ADAMTS3: variants seen among roughly 807,000 people sequenced by gnomAD.
ADAMTS3 encodes the protein A disintegrin and metalloproteinase with thrombospondin motifs 3.
ADAMTS3 carries 73 observed loss-of-function variants against 129.0 expected under a neutral mutation model. The ratio of observed to expected loss-of-function variants is 0.57; its 90% confidence interval spans 0.47 to 0.69. ADAMTS3 has a LOEUF of 0.69. Among genes scored for constraint, ADAMTS3 ranks in the 30% least tolerant of loss-of-function variants. The pLI, the probability that ADAMTS3 is intolerant of heterozygous loss-of-function variation, is 0.00. For missense variants in ADAMTS3, 1,457 were observed against 1,514.5 expected, an observed-to-expected ratio of 0.96 and a Z score of 0.63; for synonymous variants, 477 against 510.8, an observed-to-expected ratio of 0.93 and a Z score of 0.89.
intron 4 of ADAMTS3, among the ~76,000 whole-genome samples, chr4:72,373,742 T>C (rs1721070056): frequency 6.6e-6 from 1 of 151,546 alleles, no homozygotes; most frequent in Admixed American, 6.6e-5. Flanking sequence ...CTACAAAAAA[T>C]ACAAAAAATT....
At chr4:72,419,465 G>A (rs575834717) in intron 3 of ADAMTS3, among the ~76,000 whole-genome samples, 1 of 152,274 alleles carries the variant, frequency 6.6e-6, no homozygotes, top group Non-Finnish European at 1.5e-5. Flanking sequence ...TAGAATAGAA[G>A]GAATTAGAGG....
intron 4 of ADAMTS3, among the ~76,000 whole-genome samples, chr4:72,387,755 A>G (rs752920730): frequency 6.6e-5 from 10 of 152,220 alleles, no homozygotes; most frequent in Non-Finnish European, 1.3e-4. Context: ...CTAAGGCAAC[A>G]TAAGTGGTGC....
chr4:72,293,044 A>C (rs1461721719), intron 19 of ADAMTS3, among the ~76,000 whole-genome samples: 2 of 152,198 alleles, frequency 1.3e-5, no homozygotes, highest in African/African-American at 4.8e-5. Context: ...AAAGACAAAG[A>C]AATTTGAGAG....
Position 72,313,766 on chromosome 4 carries a change from G to A in ADAMTS3, c.1656C>T (p.Gly552=), listed in dbSNP as rs1719310901. The A allele has an allele frequency of 6.2e-7, 1 of 1,613,758 alleles. No individual in the cohort carries two copies. ...CAAATTTAGTCCATGACCCCCAATT[G>A]CCATCTTGTTTTTGCTGATTAGCAT... ...WKNANQQKQD[G]NWGSWTKFGS... is the part of the protein sequence containing the mutation. Residue 552 remains glycine, a synonymous_variant, in exon 12 of 22, where the codon GGC becomes GGT. Transcript: ENST00000286657.
At chr4:72,511,389 T>C (rs762224761) in intron 3 of ADAMTS3, among the ~76,000 whole-genome samples, 9 of 152,014 alleles carry the variant, frequency 5.9e-5, no homozygotes, top group Non-Finnish European at 8.8e-5. Flanking sequence ...AACTAGAATA[T>C]ATGAGGAGCT....
At chr4:72,307,382 T>C (rs1317550392) in intron 15 of ADAMTS3, among the ~76,000 whole-genome samples, 1 of 152,028 alleles carries the variant, frequency 6.6e-6, no homozygotes, top group Non-Finnish European at 1.5e-5. Flanking sequence ...CATTTATGGA[T>C]GCCCATCTTT....
At chr4:72,550,643 C>T (rs925517917) in intron 2 of ADAMTS3, among the ~76,000 whole-genome samples, 5 of 152,108 alleles carry the variant, frequency 3.3e-5, no homozygotes, top group African/African-American at 4.8e-5. Flanking sequence ...CTAGACTAGG[C>T]ACCAGTATAA....
rs139409394 is a variant in ADAMTS3, at chr4:72,282,247, C to T, written c.*889G>A. 1.2e-4 allele frequency: 19 copies of T among 152,238 alleles called. No individual in the cohort carries two copies. Among genetic ancestry groups the T allele is most frequent in the Admixed American group, 4.6e-4 (7 of 15,282 alleles). 9.4% of individuals were successfully genotyped at this position (152,238 alleles called of 1,614,324 possible). On this transcript the variant is annotated 3_prime_UTR_variant, in exon 22 of 22. Transcript: ENST00000286657. The stretch of plus-strand genomic sequence containing the variant: ...CACACAAAAACAAAGGACACCTCAA[C>T]GGTGCCTACTGAGGTCCTGGAAAGA...
In ADAMTS3 at chr4:72,284,762, CATT is replaced by C. The variant is rs1318216970; in HGVS notation, c.3050-1061_3050-1059del. On this transcript the variant is annotated intron_variant, in intron 21 of 21. Coordinates refer to ENST00000286657, the MANE Select transcript of ADAMTS3 (RefSeq NM_014243.3). The stretch of plus-strand genomic sequence containing the variant: ...AAACACTTCATACTGCATGTGTACA[CATT>C]ATTTTTATTACTTTAAAATTTTATT... Among the ~76,000 whole-genome samples the C allele has an allele frequency of 2.6e-5, 4 of 152,278 alleles. No individual in the cohort carries two copies. The East Asian group carries it at 5.8e-4, about 22-fold the overall frequency.
chr4:72,515,284 C>T (rs1373515697), intron 3 of ADAMTS3, among the ~76,000 whole-genome samples: 6 of 151,186 alleles, frequency 4.0e-5, no homozygotes, highest in Admixed American at 6.6e-5. Flanking sequence ...TGAATAGTGC[C>T]GCAATAAACA....
chr4:72,493,520 T>C (rs1085947), intron 3 of ADAMTS3, among the ~76,000 whole-genome samples: 143,480 of 152,014 alleles, frequency 0.94, 68,296 homozygotes, highest in East Asian at 1. Context: ...CATACATACA[T>C]TTTGTGTTCT....
chr4:72,407,089 C>G (rs560534018), intron 4 of ADAMTS3, among the ~76,000 whole-genome samples: 3 of 152,110 alleles, frequency 2.0e-5, no homozygotes, highest in Non-Finnish European at 4.4e-5. Context: ...AACTTAATAC[C>G]TTCTTTAAAC....
At chr4:72,497,338 CAGT>C (rs1428776963) in intron 3 of ADAMTS3, among the ~76,000 whole-genome samples, 1 of 151,828 alleles carries the variant, frequency 6.6e-6, no homozygotes, top group East Asian at 1.9e-4. Flanking sequence ...CCTCAGTATG[CAGT>C]AGAATTAGCA....
In ADAMTS3 at chr4:72,321,375, G is replaced by T. The variant is rs577685514; in HGVS notation, c.946-505C>A. Among the ~76,000 whole-genome samples the T allele has an allele frequency of 5.3e-5, 8 of 151,834 alleles. No homozygotes were observed. The South Asian group carries it at 1.5e-3, about 28-fold the overall frequency. On this transcript the variant is annotated intron_variant, in intron 6 of 21. Coordinates refer to ENST00000286657, the MANE Select transcript of ADAMTS3 (RefSeq NM_014243.3). ...TTTTTGTATTTTTAGTAGAGATGGGGTTTCACCATGTTGGCCAGGCTGGTC... is the reference window on the plus strand; with the variant it reads ...TTTTTGTATTTTTAGTAGAGATGGGTTTTCACCATGTTGGCCAGGCTGGTC...
intron 3 of ADAMTS3, among the ~76,000 whole-genome samples, chr4:72,539,706 TG>T (rs1721274310): frequency 6.6e-6 from 1 of 151,814 alleles, no homozygotes; most frequent in South Asian, 2.1e-4. Flanking sequence ...ATTATGGGGG[TG>T]GGTCTTTCCT....
At position 72,387,862 on chromosome 4, in the gene ADAMTS3, C is replaced by T. The variant is rs575405555; in HGVS notation, c.661+26953G>A. Among the ~76,000 whole-genome samples, 21 of 144,750 alleles carry T rather than the reference C, an allele frequency of 1.5e-4. No individual in the cohort carries two copies. In the South Asian group the frequency reaches 4.5e-3, roughly 31 times the overall value. 95.0% of individuals were successfully genotyped at this position (144,750 alleles called of 152,430 possible). ...TGTTGTTCCCCCAGTATGTAATTAACAAAAGACAAAAAAAAAACTTTCTGC... is the reference window on the plus strand; with the variant it reads ...TGTTGTTCCCCCAGTATGTAATTAATAAAAGACAAAAAAAAAACTTTCTGC... On this transcript the variant is annotated intron_variant, in intron 4 of 21. Transcript: ENST00000286657.
At chr4:72,309,251 C>G in intron 15 of ADAMTS3, 146 bp downstream of exon 15, 1 of 683,362 alleles carries the variant, frequency 1.5e-6, no homozygotes, top group East Asian at 3.1e-5. Flanking sequence ...TTTTTAAGTT[C>G]CTTAAAAGGT....
In ADAMTS3 at chr4:72,339,130, C is replaced by G. The variant is rs553200755; in HGVS notation, c.861+364G>C. 2.0e-5 allele frequency among the ~76,000 whole-genome samples: 3 copies of G among 152,298 alleles called. No homozygotes were observed. In the South Asian group the frequency reaches 6.2e-4, roughly 32 times the overall value. On this transcript the variant is annotated intron_variant, in intron 5 of 21. Transcript: ENST00000286657. Reference sequence around the variant, plus strand: ...AGAGTGATTCTAGAAAGAACTATTTCATCCTTCATAGGCAACATGAAAGCA... The same window carrying G: ...AGAGTGATTCTAGAAAGAACTATTTGATCCTTCATAGGCAACATGAAAGCA...
At chr4:72,425,509 G>T (rs890491456) in intron 3 of ADAMTS3, among the ~76,000 whole-genome samples, 1 of 151,882 alleles carries the variant, frequency 6.6e-6, no homozygotes, top group Admixed American at 6.6e-5. Context: ...AACAGGTCCC[G>T]GTGTGTGATG....
Sources: gnomAD v4.1 joint callset for allele counts (sites outside exome capture counted in the v4.1 genomes callset) on GRCh38, gnomAD v4.1.1 for gene constraint, MANE v1.5 for transcripts, NCBI Gene and HGNC (gene_info 2026-07-23, HGNC 2026-07-21) for gene names.